UBE3D: variants seen among roughly 807,000 people sequenced by gnomAD.
UBE3D encodes the protein ubiquitin protein ligase E3D.
Under a neutral mutation model 49.6 loss-of-function variants are expected in UBE3D, and 48 were observed. The observed-to-expected ratio is 0.97, with a 90% CI of 0.77 to 1.23. The LOEUF is 1.23. UBE3D is among the 50% of genes most tolerant of loss of function. The pLI is 0.00. For synonymous variants in UBE3D, 189 were observed against 174.2 expected, an observed-to-expected ratio of 1.08 and a Z score of -0.67; for missense variants, 452 against 468.4, an observed-to-expected ratio of 0.96 and a Z score of 0.32.
chr6:82,922,193 T>A (rs558370690), intron 9 of UBE3D, among the ~76,000 whole-genome samples: 1 of 152,262 alleles, frequency 6.6e-6, no homozygotes, highest in South Asian at 2.1e-4. Context: ...ACAGAAATTA[T>A]TGAAACTTAT....
chr6:82,928,304 T>C (rs1306714103), intron 9 of UBE3D, among the ~76,000 whole-genome samples: 1 of 152,056 alleles, frequency 6.6e-6, no homozygotes, highest in Non-Finnish European at 1.5e-5. Flanking sequence ...CCACTAAAAA[T>C]AAAACAAGCC....
chr6:82,979,039 C>T (rs1398089861), intron 8 of UBE3D, among the ~76,000 whole-genome samples: 1 of 151,970 alleles, frequency 6.6e-6, no homozygotes, highest in African/African-American at 2.4e-5. Flanking sequence ...CCTTATAAGA[C>T]CTGGGAAAAT....
intron 9 of UBE3D, among the ~76,000 whole-genome samples, chr6:82,914,305 G>C (rs1772750706): frequency 6.6e-6 from 1 of 152,144 alleles, no homozygotes; most frequent in Admixed American, 6.5e-5. Flanking sequence ...CTTTGAAACA[G>C]CACAGAAAAT....
chr6:83,014,543 C>G (rs1780560985), intron 8 of UBE3D, among the ~76,000 whole-genome samples: 1 of 152,186 alleles, frequency 6.6e-6, no homozygotes, highest in African/African-American at 2.4e-5. Context: ...AAAACTCCAT[C>G]AATTACCTGA....
chr6:82,999,592 C>A (rs1779481793), intron 8 of UBE3D, among the ~76,000 whole-genome samples: 2 of 152,094 alleles, frequency 1.3e-5, no homozygotes, highest in Middle Eastern at 3.2e-3. Context: ...ACCATGTTGG[C>A]CAGGCTGGTC....
intron 8 of UBE3D, among the ~76,000 whole-genome samples, chr6:82,973,453 T>C (rs1376412277): frequency 6.6e-6 from 1 of 152,210 alleles, no homozygotes; most frequent in African/African-American, 2.4e-5. Flanking sequence ...GAAAAATGTT[T>C]GCTAAATTTT....
intron 8 of UBE3D, among the ~76,000 whole-genome samples, chr6:82,992,216 CTTTTTTT>C (rs386407755): frequency 1.0e-5 from 1 of 96,768 alleles, no homozygotes. Context: ...ATCTGCATTC[CTTTTTTT>C]TTTTTTTTTT....
rs367906111 is a variant in UBE3D, at chr6:82,937,832, C to G, written c.1149+19480G>C. Among the ~76,000 whole-genome samples, 314 of 152,222 alleles carry G rather than the reference C, an allele frequency of 2.1e-3. 2 individuals carry two copies. The highest frequency in any genetic ancestry group is 7.1e-3 in the African/African-American group (296 of 41,532). ...CCCTTCGGACAGGGTTCTTCCTTTA[C>G]TAGCCTCCACATGAAAGAGTTACCT... On this transcript the variant is annotated intron_variant, in intron 9 of 9. Coordinates refer to ENST00000369747, the MANE Select transcript of UBE3D (RefSeq NM_198920.3).
chr6:82,895,496 T>C (rs1016409525), intron 9 of UBE3D, among the ~76,000 whole-genome samples: 9 of 152,118 alleles, frequency 5.9e-5, no homozygotes, highest in Admixed American at 2.6e-4. Flanking sequence ...TCTCCTACAA[T>C]GTAGAGAGCC....
At chr6:83,043,013 G>A (rs1226380642) in intron 4 of UBE3D, among the ~76,000 whole-genome samples, 1 of 152,200 alleles carries the variant, frequency 6.6e-6, no homozygotes, top group Non-Finnish European at 1.5e-5. Context: ...ATCTTGTCTT[G>A]ATAGTACAGA....
At chr6:82,963,648 G>T (rs1402083341) in intron 8 of UBE3D, among the ~76,000 whole-genome samples, 2 of 152,110 alleles carry the variant, frequency 1.3e-5, no homozygotes, top group Non-Finnish European at 2.9e-5. Context: ...TTTATATCCT[G>T]GCTGGGCTGG....
intron 9 of UBE3D, 33 bp from the exon 10 acceptor site, chr6:82,893,075 C>T (rs1404362185): frequency 1.2e-6 from 2 of 1,612,380 alleles, no homozygotes; most frequent in Non-Finnish European, 1.7e-6. Flanking sequence ...CAATGCTTTA[C>T]TTCTATAATA....
At chr6:82,932,085 G>A (rs1318071045) in intron 9 of UBE3D, among the ~76,000 whole-genome samples, 1 of 152,132 alleles carries the variant, frequency 6.6e-6, no homozygotes, top group Admixed American at 6.5e-5. Flanking sequence ...CATGTGACAT[G>A]TGTTCACTTC....
intron 8 of UBE3D, among the ~76,000 whole-genome samples, chr6:82,998,395 C>T (rs1378157478): frequency 6.6e-6 from 1 of 152,174 alleles, no homozygotes; most frequent in East Asian, 1.9e-4. Flanking sequence ...AGTTCCTTTA[C>T]ATAATAAATG....
chr6:83,003,435 CTTCTT>C lies in UBE3D; in HGVS notation c.1010+15533_1010+15537del, dbSNP rs749638657. Among the ~76,000 whole-genome samples the C allele has an allele frequency of 3.9e-4, 59 of 152,172 alleles. No individual in the cohort carries two copies. The Middle Eastern group carries it at 0.017, about 44-fold the overall frequency. ...TTATTATACGTCTTATTTTCTGTCT[CTTCTT>C]TTATGATTACTACTGGATTCATGGA... On this transcript the variant is annotated intron_variant, in intron 8 of 9. Coordinates refer to ENST00000369747, the MANE Select transcript of UBE3D (RefSeq NM_198920.3).
intron 4 of UBE3D, among the ~76,000 whole-genome samples, chr6:83,044,218 CCTT>C (rs1782866854): frequency 6.6e-6 from 1 of 152,188 alleles, no homozygotes; most frequent in Non-Finnish European, 1.5e-5. Context: ...GTCTTCCTCT[CCTT>C]ATTCTTCCAG....
At chr6:82,927,683 A>T (rs1470805658) in intron 9 of UBE3D, among the ~76,000 whole-genome samples, 1 of 151,890 alleles carries the variant, frequency 6.6e-6, no homozygotes, top group African/African-American at 2.4e-5. Flanking sequence ...GGTATGTAGG[A>T]AGGCAATTGG....
rs544327649 is a variant in UBE3D, at chr6:83,011,778, G to C, written c.1010+7195C>G. ...CACTGGAACTAAGACCTCTAGTCCA[G>C]TGGAAAGCAATGTTGTGGGAAGAGG... On this transcript the variant is annotated intron_variant, in intron 8 of 9. Transcript: ENST00000369747. Among the ~76,000 whole-genome samples the C allele has an allele frequency of 7.2e-5, 11 of 152,218 alleles. No homozygotes were observed. In the South Asian group the frequency reaches 1.5e-3, roughly 20 times the overall value.
chr6:82,953,537 T>G (rs1775948295), intron 9 of UBE3D, among the ~76,000 whole-genome samples: 1 of 152,204 alleles, frequency 6.6e-6, no homozygotes, highest in Admixed American at 6.5e-5. Context: ...TACGTACCTC[T>G]GTGTAACCCA....
Sources: allele counts gnomAD v4.1 joint callset (sites outside exome capture counted in the v4.1 genomes callset), GRCh38; gene constraint gnomAD v4.1.1; transcripts MANE v1.5; gene names NCBI Gene and HGNC (gene_info 2026-07-23, HGNC 2026-07-21).